Variants in ABL2 observed in about 807,000 individuals in gnomAD.
The protein encoded by ABL2 is tyrosine-protein kinase ABL2.
ABL2 carries 49 observed loss-of-function variants against 107.7 expected under a neutral mutation model. The observed-to-expected ratio is 0.45, with a 90% CI of 0.36 to 0.58. The LOEUF is 0.58. ABL2 is among the 20% of genes least tolerant of loss of function. The pLI, the probability that ABL2 is intolerant of heterozygous loss-of-function variation, is 0.00. For missense variants in ABL2, 1,245 were observed against 1,457.0 expected, an observed-to-expected ratio of 0.85 and a Z score of 2.37; for synonymous variants, 549 against 548.6, an observed-to-expected ratio of 1.00 and a Z score of -0.01.
At chr1:179,190,052 G>A (rs1318338564) in intron 1 of ABL2, among the ~76,000 whole-genome samples, 1 of 152,038 alleles carries the variant, frequency 6.6e-6, no homozygotes, top group Non-Finnish European at 1.5e-5. Flanking sequence ...CCTGACCTCA[G>A]GTGATCTGCC....
chr1:179,135,017 C>G (rs1656732049), intron 1 of ABL2, among the ~76,000 whole-genome samples: 1 of 152,280 alleles, frequency 6.6e-6, no homozygotes, highest in Non-Finnish European at 1.5e-5. Context: ...CAGACGGAGT[C>G]TCGTTCACTC....
At chr1:179,124,512 A>T (rs1655557971) in intron 4 of ABL2, among the ~76,000 whole-genome samples, 1 of 110,254 alleles carries the variant, frequency 9.1e-6, no homozygotes, top group East Asian at 3.1e-4. Context: ...TCTGTTGCCC[A>T]GGCTGGAGTG....
chr1:179,135,482 C>T lies in ABL2; in HGVS notation c.158-2108G>A, dbSNP rs1410076928. Among the ~76,000 whole-genome samples, 4 of 147,204 alleles carry T rather than the reference C, an allele frequency of 2.7e-5. No individual in the cohort carries two copies. In the South Asian group the frequency reaches 8.8e-4, roughly 32 times the overall value. On this transcript the variant is annotated intron_variant, in intron 1 of 11. Coordinates refer to ENST00000502732, the MANE Select transcript of ABL2 (RefSeq NM_007314.4). The stretch of plus-strand genomic sequence containing the variant: ...ACCGCCCCGTCTGAGAAGTGAGGAG[C>T]CCCTCCGCCCGGCAGCCGCCCCGTC...
chr1:179,142,247 G>A (rs1426967657), intron 1 of ABL2, among the ~76,000 whole-genome samples: 1 of 152,158 alleles, frequency 6.6e-6, no homozygotes, highest in Non-Finnish European at 1.5e-5. Context: ...AAAGAACCTA[G>A]ATAACAGAAA....
intron 3 of ABL2, among the ~76,000 whole-genome samples, chr1:179,127,182 CA>C (rs1159502471): frequency 2.0e-5 from 3 of 151,742 alleles, no homozygotes; most frequent in East Asian, 3.9e-4. Flanking sequence ...TGTAAAAAAA[CA>C]AAAACAAAAA....
At chr1:179,153,712 C>T (rs1658508113) in intron 1 of ABL2, among the ~76,000 whole-genome samples, 1 of 152,048 alleles carries the variant, frequency 6.6e-6, no homozygotes, top group South Asian at 2.1e-4. Flanking sequence ...TGAGAGGTAA[C>T]ATTCATAGGT....
intron 1 of ABL2, among the ~76,000 whole-genome samples, chr1:179,193,145 CA>C (rs906020553): frequency 6.2e-5 from 9 of 144,632 alleles, no homozygotes; most frequent in Admixed American, 1.4e-4. Context: ...GCACAACTTG[CA>C]AAAAAAAATG....
At chr1:179,141,765 G>A (rs751634495) in intron 1 of ABL2, among the ~76,000 whole-genome samples, 8 of 152,084 alleles carry the variant, frequency 5.3e-5, no homozygotes, top group Non-Finnish European at 1.2e-4. Context: ...CAATCTGTCT[G>A]CACAGGATAT....
chr1:179,164,443 C>A (rs961100955), intron 1 of ABL2, among the ~76,000 whole-genome samples: 1 of 152,158 alleles, frequency 6.6e-6, no homozygotes, highest in African/African-American at 2.4e-5. Context: ...CCTTCCTAAA[C>A]ACATAAAATA....
chr1:179,104,423 T>C lies in ABL2; in HGVS notation c.*3295A>G. 4.6e-6 allele frequency: 1 copy of C among 218,006 alleles called. No individual in the cohort carries two copies. The highest frequency in any genetic ancestry group is 9.2e-6 in the Non-Finnish European group (1 of 108,424). The allele number at this position is 218,006 out of a possible 1,614,324, so 13.5% of individuals were successfully genotyped here. A position where few individuals can be genotyped will look rare whatever the true frequency, so the allele number is the denominator to read the frequency against. ...CATGCTTTATTACCTGGGACATATT[T>C]TACTAGCCAATTTTCAGTTGAATCC... On this transcript the variant is annotated 3_prime_UTR_variant, in exon 12 of 12. Coordinates refer to ENST00000502732, the MANE Select transcript of ABL2 (RefSeq NM_007314.4).
intron 1 of ABL2, among the ~76,000 whole-genome samples, chr1:179,204,706 C>CA (rs1196161120): frequency 2.6e-5 from 4 of 152,058 alleles, no homozygotes; most frequent in Non-Finnish European, 5.9e-5. Flanking sequence ...AAGATCACGC[C>CA]ACTGCACTCC....
intron 1 of ABL2, among the ~76,000 whole-genome samples, chr1:179,135,678 G>A (rs1210296222): frequency 1.7e-4 from 24 of 143,284 alleles, no homozygotes; most frequent in African/African-American, 4.2e-4. Context: ...CTGGCCAGCC[G>A]CCCCATCCGG....
chr1:179,219,760 G>C (rs896962106), intron 1 of ABL2, among the ~76,000 whole-genome samples: 1 of 152,182 alleles, frequency 6.6e-6, no homozygotes, highest in Admixed American at 6.5e-5. Flanking sequence ...CCTCTAATAA[G>C]AGTAGCTTAA....
intron 1 of ABL2, among the ~76,000 whole-genome samples, chr1:179,191,579 C>T (rs549001319): frequency 6.6e-6 from 1 of 151,940 alleles, no homozygotes; most frequent in African/African-American, 2.4e-5. Context: ...TGCCACCATA[C>T]CCAGCTAATT....
chr1:179,112,652 T>C (rs762295594), intron 9 of ABL2, among the ~76,000 whole-genome samples: 42 of 151,968 alleles, frequency 2.8e-4, no homozygotes, highest in Non-Finnish European at 4.9e-4. Context: ...GCAGCTGGCA[T>C]GATCTCAACT....
intron 1 of ABL2, among the ~76,000 whole-genome samples, chr1:179,216,950 G>A (rs1378816672): frequency 6.6e-6 from 1 of 151,780 alleles, no homozygotes; most frequent in Non-Finnish European, 1.5e-5. Flanking sequence ...CCATAGTGCT[G>A]GGATTGCAGG....
At chr1:179,227,228 C>T (rs1048487206) in intron 1 of ABL2, among the ~76,000 whole-genome samples, 3 of 152,214 alleles carry the variant, frequency 2.0e-5, no homozygotes, top group Non-Finnish European at 2.9e-5. Flanking sequence ...AGTCCAACCT[C>T]CTCACTTTAC....
rs1653533936 is a variant in ABL2, at chr1:179,107,316, TG to T, written c.*401del. ...GTCCCACCAAATTCATTAGGTAAAT[TG>T]GAGCATAATCACCATTAGTACCTAC... On this transcript the variant is annotated 3_prime_UTR_variant, in exon 12 of 12. Coordinates refer to ENST00000502732, the MANE Select transcript of ABL2 (RefSeq NM_007314.4). The T allele has an allele frequency of 4.2e-6, 1 of 238,460 alleles. No individual in the cohort carries two copies. Among genetic ancestry groups the T allele is most frequent in the Non-Finnish European group, 8.2e-6 (1 of 121,314 alleles). The allele number at this position is 238,460 out of a possible 1,614,324, so 14.8% of individuals were successfully genotyped here.
At chr1:179,128,627 AG>A (rs1208231559) in intron 3 of ABL2, among the ~76,000 whole-genome samples, 1 of 152,192 alleles carries the variant, frequency 6.6e-6, no homozygotes, top group Non-Finnish European at 1.5e-5. Context: ...GGAAACTGAT[AG>A]GGGGATGACT....
Sources: gnomAD v4.1 joint callset for allele counts (sites outside exome capture counted in the v4.1 genomes callset) on GRCh38, gnomAD v4.1.1 for gene constraint, MANE v1.5 for transcripts, NCBI Gene and HGNC (gene_info 2026-07-23, HGNC 2026-07-21) for gene names.